The following GALNT13 variants were observed in gnomAD, a reference collection of about 807,000 sequenced individuals.
GALNT13 encodes UDP-GalNAc:polypeptide N-acetylgalactosaminyltransferase 13.
In GALNT13, 28 loss-of-function variants were observed where a neutral mutation model predicts 64.2. That is an observed-to-expected ratio of 0.44 (90% CI 0.32 to 0.60). The LOEUF (loss-of-function observed/expected upper bound fraction) is 0.60. Ranked by LOEUF, GALNT13 falls within the 20% of genes least tolerant of loss-of-function variation. The pLI is 0.05. For synonymous variants in GALNT13, 214 were observed against 224.6 expected (o/e 0.95, Z 0.42); for missense variants, 577 against 669.8 (o/e 0.86, Z 1.53).
chr2:154,024,414 C>G (rs1464850037), intron 3 of GALNT13, among the ~76,000 whole-genome samples: 1 of 152,044 alleles, frequency 6.6e-6, no homozygotes, highest in African/African-American at 2.4e-5. Flanking sequence ...TTTCTCTAAA[C>G]TTCCCTTCTC....
intron 10 of GALNT13, among the ~76,000 whole-genome samples, chr2:154,408,064 G>A (rs1266527358): frequency 4.6e-5 from 7 of 152,126 alleles, no homozygotes; most frequent in Admixed American, 3.9e-4. Flanking sequence ...TCTATGGTTC[G>A]GAGATACAAA....
At chr2:153,653,120 A>G in the GALNT13 span, among the ~76,000 whole-genome samples, 1 of 152,146 alleles carries the variant, frequency 6.6e-6, no homozygotes, top group Non-Finnish European at 1.5e-5. Context: ...TGAGTTCCAA[A>G]TTTATCTACT....
At chr2:153,691,752 T>C in the GALNT13 span, among the ~76,000 whole-genome samples, 1 of 152,132 alleles carries the variant, frequency 6.6e-6, no homozygotes, top group Non-Finnish European at 1.5e-5. Flanking sequence ...TTGTTAAGGA[T>C]GTGAAGCAAC....
chr2:154,019,905 T>C (rs181353048), intron 3 of GALNT13, among the ~76,000 whole-genome samples: 1,526 of 147,074 alleles, frequency 0.01, 26 homozygotes, highest in African/African-American at 0.036. Context: ...CCTGTGTCCA[T>C]GTGTTCTCAT....
chr2:154,418,779 C>T (rs952901961), intron 11 of GALNT13, among the ~76,000 whole-genome samples: 13 of 152,134 alleles, frequency 8.5e-5, no homozygotes, highest in South Asian at 4.1e-4. Context: ...TCATAAATAG[C>T]CAACTTCTTT....
the GALNT13 span, among the ~76,000 whole-genome samples, chr2:153,141,118 A>G: frequency 9.2e-6 from 1 of 108,466 alleles, no homozygotes; most frequent in African/African-American, 2.6e-5. Context: ...ATCAGGAAAT[A>G]TGTGGTCTTT....
intron 2 of GALNT13, among the ~76,000 whole-genome samples, chr2:153,914,413 A>G (rs369764468): frequency 1.3e-4 from 19 of 148,000 alleles, no homozygotes; most frequent in African/African-American, 4.3e-4. Context: ...TGAGCCCAGG[A>G]GGCAAAGTTA....
At chr2:153,428,896 C>T in the GALNT13 span, among the ~76,000 whole-genome samples, 1 of 152,272 alleles carries the variant, frequency 6.6e-6, no homozygotes, top group Admixed American at 6.5e-5. Flanking sequence ...AAATAGTATG[C>T]ATCTCCTTTA....
At chr2:154,169,791 A>G (rs931769653) in intron 4 of GALNT13, among the ~76,000 whole-genome samples, 2 of 152,132 alleles carry the variant, frequency 1.3e-5, no homozygotes, top group African/African-American at 2.4e-5. Context: ...TCGTAGCTTC[A>G]TAGCACCCAC....
At chr2:153,828,302 A>G in the GALNT13 span, among the ~76,000 whole-genome samples, 1 of 152,214 alleles carries the variant, frequency 6.6e-6, no homozygotes, top group Non-Finnish European at 1.5e-5. Flanking sequence ...GCACTGCCCT[A>G]GCAAAGGTTC....
chr2:153,717,943 A>T, the GALNT13 span, among the ~76,000 whole-genome samples: 25 of 152,144 alleles, frequency 1.6e-4, no homozygotes, highest in Admixed American at 1.6e-3. Flanking sequence ...GAAAATAAAT[A>T]AAAATATCTA....
Position 153,884,510 on chromosome 2 carries a change from A to T in GALNT13, c.-177+12207A>T, listed in dbSNP as rs533831228. On this transcript the variant is annotated intron_variant, in intron 1 of 12. Coordinates refer to ENST00000392825, the MANE Select transcript of GALNT13 (RefSeq NM_052917.4). ...CTTGGCACTTTTGTCACTGAACGTG[A>T]TAGCAATAATTCCCTATAGTACTAC... Among the ~76,000 whole-genome samples, 5 of 151,952 alleles carry T rather than the reference A, an allele frequency of 3.3e-5. No individual in the cohort carries two copies. The South Asian group carries it at 1.0e-3, about 31-fold the overall frequency.
chr2:153,088,767 T>A, the GALNT13 span, among the ~76,000 whole-genome samples: 2 of 152,168 alleles, frequency 1.3e-5, no homozygotes, highest in Admixed American at 1.3e-4. Context: ...AAATCTGTTT[T>A]GTTTGATACA....
the GALNT13 span, among the ~76,000 whole-genome samples, chr2:153,699,862 C>G: frequency 6.6e-6 from 1 of 151,862 alleles, no homozygotes; most frequent in Non-Finnish European, 1.5e-5. Flanking sequence ...GCCTACCAAC[C>G]AAAAAAAGCC....
the GALNT13 span, among the ~76,000 whole-genome samples, chr2:153,433,676 C>A: frequency 6.6e-6 from 1 of 152,060 alleles, no homozygotes; most frequent in Non-Finnish European, 1.5e-5. Context: ...GAATTTTCTT[C>A]ATCTTTTAAA....
At chr2:153,919,528 C>G (rs1689611951) in intron 2 of GALNT13, among the ~76,000 whole-genome samples, 2 of 151,718 alleles carry the variant, frequency 1.3e-5, no homozygotes, top group Non-Finnish European at 2.9e-5. Flanking sequence ...CTTGAGCAGG[C>G]CTTTGATTTT....
At chr2:154,155,080 T>C (rs978831798) in intron 4 of GALNT13, among the ~76,000 whole-genome samples, 1 of 152,006 alleles carries the variant, frequency 6.6e-6, no homozygotes, top group Non-Finnish European at 1.5e-5. Context: ...GAAACTATTA[T>C]TGTTATCTTC....
the GALNT13 span, among the ~76,000 whole-genome samples, chr2:153,366,973 C>T: frequency 6.7e-6 from 1 of 149,846 alleles, no homozygotes; most frequent in Non-Finnish European, 1.5e-5. Flanking sequence ...AATTTTATAC[C>T]TACTGAACAT....
intron 4 of GALNT13, among the ~76,000 whole-genome samples, chr2:154,152,281 A>G (rs916914886): frequency 9.2e-5 from 14 of 151,974 alleles, no homozygotes; most frequent in African/African-American, 2.2e-4. Context: ...TGGCTTGTAG[A>G]GTTTCTGCCG....
Sources: allele counts gnomAD v4.1 joint callset (sites outside exome capture counted in the v4.1 genomes callset), GRCh38; gene constraint gnomAD v4.1.1; transcripts MANE v1.5; gene names NCBI Gene and HGNC (gene_info 2026-07-23, HGNC 2026-07-21).